ZBTB16: variants seen among roughly 807,000 people sequenced by gnomAD.
The protein encoded by ZBTB16 is zinc finger and BTB domain-containing protein 16.
A neutral mutation model predicts 56.8 loss-of-function variants in ZBTB16; 8 were observed. The observed-to-expected ratio is 0.14, with a 90% CI of 0.08 to 0.25. The LOEUF is 0.25. ZBTB16 is among the 10% of genes least tolerant of loss of function. The probability of loss-of-function intolerance (pLI) is 1.00; values close to 1 mark genes in which losing one functional copy is unlikely to be tolerated. For missense variants in ZBTB16, 625 were observed against 903.0 expected (o/e 0.69, Z 3.95); for synonymous variants, 363 against 368.5 (o/e 0.98, Z 0.17).
At chr11:114,176,816 G>T (rs867436258) in intron 3 of ZBTB16, among the ~76,000 whole-genome samples, 23 of 152,106 alleles carry the variant, frequency 1.5e-4, no homozygotes, top group African/African-American at 5.3e-4. Context: ...AGTTTCTTTT[G>T]GTACTTTGGA....
intron 4 of ZBTB16, among the ~76,000 whole-genome samples, chr11:114,213,920 A>G (rs1565689634): frequency 6.6e-6 from 1 of 152,116 alleles, no homozygotes; most frequent in South Asian, 2.1e-4. Context: ...TCACACTTGA[A>G]CTACTTGCTG....
At chr11:114,082,172 C>T (rs934840730) in intron 2 of ZBTB16, among the ~76,000 whole-genome samples, 6 of 151,626 alleles carry the variant, frequency 4.0e-5, no homozygotes, top group African/African-American at 7.3e-5. Context: ...CCCAGCTTCT[C>T]GGGTGGCTGA....
intron 3 of ZBTB16, among the ~76,000 whole-genome samples, chr11:114,161,660 G>C (rs1942593069): frequency 6.6e-6 from 1 of 152,162 alleles, no homozygotes; most frequent in Non-Finnish European, 1.5e-5. Context: ...TGCAGGGAGA[G>C]AGCAGAGTGC....
At chr11:114,239,641 G>C (rs1407801873) in intron 4 of ZBTB16, among the ~76,000 whole-genome samples, 1 of 152,196 alleles carries the variant, frequency 6.6e-6, no homozygotes. Context: ...GCATTTCTGA[G>C]AGACCTTGGT....
chr11:114,125,620 G>T (rs574600611), intron 2 of ZBTB16, among the ~76,000 whole-genome samples: 45 of 151,914 alleles, frequency 3.0e-4, no homozygotes, highest in African/African-American at 1.1e-3. Flanking sequence ...AGGAGGAGAT[G>T]GTTGCAGGAA....
At chr11:114,221,745 T>G (rs1944235466) in intron 4 of ZBTB16, among the ~76,000 whole-genome samples, 1 of 152,134 alleles carries the variant, frequency 6.6e-6, no homozygotes, top group Admixed American at 6.5e-5. Context: ...CCAAGGCCTG[T>G]CAGAGGGAGG....
intron 2 of ZBTB16, among the ~76,000 whole-genome samples, chr11:114,123,321 C>G (rs750343680): frequency 3.6e-4 from 55 of 152,030 alleles, no homozygotes; most frequent in Non-Finnish European, 4.7e-4. Flanking sequence ...ATTGGCTCCC[C>G]CAGAAGGAGA....
intron 3 of ZBTB16, among the ~76,000 whole-genome samples, chr11:114,167,309 TTCTC>T (rs3057734): frequency 0.07 from 9,185 of 130,894 alleles, 735 homozygotes; most frequent in African/African-American, 0.21. Flanking sequence ...TGGCTGTGTT[TTCTC>T]TCTCTCTCTC....
chr11:114,115,876 C>G (rs1042669817), intron 2 of ZBTB16, among the ~76,000 whole-genome samples: 35 of 152,254 alleles, frequency 2.3e-4, no homozygotes, highest in African/African-American at 7.7e-4. Flanking sequence ...TCCCAGCGAG[C>G]ATGCGTTCAT....
At chr11:114,219,865 C>T (rs1051579332) in intron 4 of ZBTB16, among the ~76,000 whole-genome samples, 4 of 152,072 alleles carry the variant, frequency 2.6e-5, no homozygotes, top group African/African-American at 9.7e-5. Context: ...CCTTGGAAAG[C>T]CTGGGGTGAA....
intron 2 of ZBTB16, among the ~76,000 whole-genome samples, chr11:114,136,055 G>A (rs1941789294): frequency 6.6e-6 from 1 of 152,008 alleles, no homozygotes; most frequent in Non-Finnish European, 1.5e-5. Context: ...TCTGAGTAAA[G>A]GAGGAGGGTT....
chr11:114,102,034 A>AT (rs569790894), intron 2 of ZBTB16, among the ~76,000 whole-genome samples: 171 of 152,270 alleles, frequency 1.1e-3, no homozygotes, highest in African/African-American at 4.0e-3. Flanking sequence ...GGCTCCTGCA[A>AT]TGAGGACCTC....
intron 3 of ZBTB16, among the ~76,000 whole-genome samples, chr11:114,158,731 G>A (rs746000131): frequency 3.3e-5 from 5 of 152,176 alleles, no homozygotes; most frequent in Non-Finnish European, 5.9e-5. Flanking sequence ...ACGCTATCTC[G>A]GAGAAGCTGT....
chr11:114,060,151 T>A lies in ZBTB16; in HGVS notation c.-91+269T>A. 5.2e-6 allele frequency: 1 copy of A among 191,546 alleles called. No homozygotes were observed. Among genetic ancestry groups the A allele is most frequent in the Non-Finnish European group, 1.1e-5 (1 of 94,870 alleles). 11.9% of individuals were successfully genotyped at this position (191,546 alleles called of 1,614,324 possible). On this transcript the variant is annotated intron_variant, in intron 1 of 6. Coordinates refer to ENST00000335953, the MANE Select transcript of ZBTB16 (RefSeq NM_006006.6). The surrounding 1 kb of genome is among the most constrained non-coding windows in gnomAD (Gnocchi z 6.0). ...TTCAGGGCACGGTCGGGGTGAGAGG[T>A]GGGGGGCGTAGCGGTGTGCGGGGGC...
chr11:114,143,351 G>C lies in ZBTB16; in HGVS notation c.1269-12986G>C, dbSNP rs1447684317. Among the ~76,000 whole-genome samples the C allele has an allele frequency of 6.6e-6, 1 of 152,062 alleles. No individual in the cohort carries two copies. Among genetic ancestry groups the C allele is most frequent in the Non-Finnish European group, 1.5e-5 (1 of 68,010 alleles). On this transcript the variant is annotated intron_variant, in intron 2 of 6. Coordinates refer to ENST00000335953, the MANE Select transcript of ZBTB16 (RefSeq NM_006006.6). This position sits in a 1 kb window ranked among gnomAD's most constrained non-coding sequence, Gnocchi z 6.4. ...CTGCCCATCCAGCTGGAGAGACAGAGAAACAAGCAGATGCACCCTAGTGAG... is the reference window on the plus strand; with the variant it reads ...CTGCCCATCCAGCTGGAGAGACAGACAAACAAGCAGATGCACCCTAGTGAG...
chr11:114,191,167 A>T (rs606942), intron 4 of ZBTB16, among the ~76,000 whole-genome samples: 28,658 of 152,056 alleles, frequency 0.19, 2,983 homozygotes, highest in African/African-American at 0.3. Flanking sequence ...ATCACCTCCC[A>T]CCAGGCCTCA....
chr11:114,171,838 G>A (rs755049410), intron 3 of ZBTB16, among the ~76,000 whole-genome samples: 8 of 152,244 alleles, frequency 5.3e-5, no homozygotes, highest in Non-Finnish European at 1.2e-4. Context: ...CACAGTCAGA[G>A]GCTGGCTGAA....
rs1447220415 is a variant in ZBTB16, at chr11:114,142,528, A to G, written c.1269-13809A>G. Among the ~76,000 whole-genome samples the G allele has an allele frequency of 2.0e-5, 3 of 152,362 alleles. No homozygotes were observed. The South Asian group carries it at 6.2e-4, about 32-fold the overall frequency. ...GAGGTGTTCAACATATGCGCTGTTG[A>G]CATAAATTTGGAATTTATCGCTGTT... On this transcript the variant is annotated intron_variant, in intron 2 of 6. Transcript: ENST00000335953.
intron 4 of ZBTB16, among the ~76,000 whole-genome samples, chr11:114,226,624 A>G (rs1944332286): frequency 1.3e-5 from 2 of 152,054 alleles, no homozygotes; most frequent in South Asian, 4.2e-4. Flanking sequence ...TTCTCTCCAG[A>G]CCCTCCTTCA....
Sources: gnomAD v4.1 joint callset for allele counts (sites outside exome capture counted in the v4.1 genomes callset) on GRCh38, gnomAD v4.1.1 for gene constraint, Gnocchi (gnomAD v3.1) non-coding constraint, MANE v1.5 for transcripts, NCBI Gene and HGNC (gene_info 2026-07-23, HGNC 2026-07-21) for gene names.